The following ABHD18 variants were observed in gnomAD, a reference collection of about 807,000 sequenced individuals.
ABHD18 encodes cardiolipin-specific deacylase, mitochondrial.
Under a neutral mutation model 65.9 loss-of-function variants are expected in ABHD18, and 55 were observed. That is an observed-to-expected ratio of 0.84 (90% CI 0.67 to 1.05). The LOEUF (loss-of-function observed/expected upper bound fraction) is 1.05, where lower values mean the gene tolerates loss of function less well. ABHD18 is among the 50% of genes least tolerant of loss of function. The pLI is 0.00. For missense variants in ABHD18, 533 were observed against 558.5 expected, an observed-to-expected ratio of 0.95 and a Z score of 0.46; for synonymous variants, 181 against 180.2, an observed-to-expected ratio of 1.00 and a Z score of -0.04.
intron 11 of ABHD18, 81 bp from the exon 12 acceptor site, chr4:128,030,429 G>A (rs181432101): frequency 1.8e-5 from 17 of 969,892 alleles, no homozygotes; most frequent in East Asian, 5.9e-5. Context: ...TTAGTTTGAC[G>A]AATGTTTTAT....
chr4:127,989,886 C>A, intron 4 of ABHD18, 65 bp downstream of exon 4: 1 of 989,152 alleles, frequency 1.0e-6, no homozygotes, highest in Non-Finnish European at 1.5e-6. Context: ...ATAATATCAA[C>A]ACTATGTTAT....
At chr4:128,032,110 CA>C (rs1172055244) in intron 12 of ABHD18, among the ~76,000 whole-genome samples, 1 of 152,014 alleles carries the variant, frequency 6.6e-6, no homozygotes, top group Admixed American at 6.6e-5. Context: ...TAATCAAAGT[CA>C]AATATAAAAA....
At chr4:127,987,719 TAAATA>T (rs1750225266) in intron 3 of ABHD18, among the ~76,000 whole-genome samples, 1 of 142,984 alleles carries the variant, frequency 7.0e-6, no homozygotes, top group African/African-American at 2.9e-5. Context: ...AAAAAAAAAA[TAAATA>T]AATAAAAATA....
At chr4:127,976,284 T>C (rs1747905658) in intron 1 of ABHD18, among the ~76,000 whole-genome samples, 2 of 152,294 alleles carry the variant, frequency 1.3e-5, no homozygotes, top group African/African-American at 4.8e-5. Context: ...TAAGAATAGA[T>C]TTTACAGGTG....
intron 12 of ABHD18, among the ~76,000 whole-genome samples, chr4:128,031,768 A>C (rs1758250741): frequency 6.6e-6 from 1 of 152,248 alleles, no homozygotes; most frequent in Non-Finnish European, 1.5e-5. Flanking sequence ...CAATTGTTCA[A>C]GTCTCTCATG....
chr4:127,990,379 G>A (rs958178576), intron 4 of ABHD18, among the ~76,000 whole-genome samples: 3 of 151,986 alleles, frequency 2.0e-5, no homozygotes, highest in Non-Finnish European at 4.4e-5. Flanking sequence ...CCTGGCCAAC[G>A]TGGCGAAACC....
chr4:128,028,891 T>C (rs768792878), intron 11 of ABHD18, 38 bp downstream of exon 11: 1 of 1,426,230 alleles, frequency 7.0e-7, no homozygotes, highest in African/African-American at 1.4e-5. Flanking sequence ...TATTTGCTGA[T>C]GTGTAAGTAT....
At chr4:127,969,125 A>C (rs1483851300) in intron 1 of ABHD18, among the ~76,000 whole-genome samples, 1 of 151,966 alleles carries the variant, frequency 6.6e-6, no homozygotes, top group Non-Finnish European at 1.5e-5. Context: ...TGCTGTGTCT[A>C]AGTTTGGAGT....
intron 4 of ABHD18, among the ~76,000 whole-genome samples, chr4:127,996,333 A>G (rs1751726316): frequency 6.6e-6 from 1 of 152,120 alleles, no homozygotes; most frequent in South Asian, 2.1e-4. Context: ...AAAGAGTACA[A>G]ACAGAGAAAT....
intron 11 of ABHD18, among the ~76,000 whole-genome samples, chr4:128,029,215 CAT>C (rs1466908335): frequency 6.6e-6 from 1 of 151,484 alleles, no homozygotes; most frequent in Non-Finnish European, 1.5e-5. Context: ...AAAAAGTAGT[CAT>C]GTGTGGTGTT....
In ABHD18 at chr4:128,009,017, G is replaced by A. The variant is rs1233830936; in HGVS notation, c.357+19G>A. 11 of 1,599,662 alleles carry A rather than the reference G, an allele frequency of 6.9e-6. No individual in the cohort carries two copies. Among genetic ancestry groups the A allele is most frequent in the Non-Finnish European group, 9.4e-6 (11 of 1,173,148 alleles). ...AGATCATGTAAGACTTTATTATAAT[G>A]CCTTAATCTCTAGATAATTTGTTAA... On this transcript the variant is annotated intron_variant, in intron 5 of 12. Coordinates refer to ENST00000645843, the MANE Select transcript of ABHD18 (RefSeq NM_001358451.3).
chr4:128,019,013 C>CAAA (rs370222831), intron 8 of ABHD18, among the ~76,000 whole-genome samples: 3 of 58,342 alleles, frequency 5.1e-5, no homozygotes, highest in Non-Finnish European at 7.3e-5. Context: ...GACTACATCT[C>CAAA]AAAAAAAAAA....
chr4:127,993,181 T>C (rs541317597), intron 4 of ABHD18, among the ~76,000 whole-genome samples: 47 of 152,312 alleles, frequency 3.1e-4, no homozygotes, highest in Admixed American at 2.0e-3. Context: ...TATCATCACT[T>C]CAATCCCTGG....
intron 1 of ABHD18, among the ~76,000 whole-genome samples, chr4:127,967,397 C>A (rs1368784639): frequency 6.6e-6 from 1 of 152,144 alleles, no homozygotes; most frequent in South Asian, 2.1e-4. Flanking sequence ...TACCACCAGG[C>A]TTCTTATGGG....
At chr4:127,987,444 T>G (rs915341805) in intron 3 of ABHD18, among the ~76,000 whole-genome samples, 6 of 151,696 alleles carry the variant, frequency 4.0e-5, no homozygotes, top group Non-Finnish European at 7.4e-5. Context: ...GTGTGGTGGC[T>G]CACGCCTGTA....
chr4:127,977,188 A>AT (rs1424338879), intron 1 of ABHD18, among the ~76,000 whole-genome samples: 5 of 152,082 alleles, frequency 3.3e-5, no homozygotes, highest in African/African-American at 4.8e-5. Flanking sequence ...TAAAAAAAAA[A>AT]CAAGCTGGGC....
intron 12 of ABHD18, among the ~76,000 whole-genome samples, chr4:128,033,208 C>T (rs1758455431): frequency 2.0e-5 from 3 of 152,042 alleles, no homozygotes; most frequent in South Asian, 2.1e-4. Flanking sequence ...GAGCCGAGAT[C>T]GCACCACTGC....
At chr4:127,994,476 A>G (rs1560858724) in intron 4 of ABHD18, among the ~76,000 whole-genome samples, 1 of 151,968 alleles carries the variant, frequency 6.6e-6, no homozygotes, top group East Asian at 1.9e-4. Flanking sequence ...AATCCAAACT[A>G]CTCAGGAGGC....
At chr4:128,018,310 A>T (rs1755857409) in intron 8 of ABHD18, among the ~76,000 whole-genome samples, 3 of 152,148 alleles carry the variant, frequency 2.0e-5, no homozygotes, top group Middle Eastern at 3.2e-3. Flanking sequence ...GTACATTTTT[A>T]AAAAATTATT....
Sources: gnomAD v4.1 joint callset for allele counts (sites outside exome capture counted in the v4.1 genomes callset) on GRCh38, gnomAD v4.1.1 for gene constraint, MANE v1.5 for transcripts, NCBI Gene and HGNC (gene_info 2026-07-23, HGNC 2026-07-21) for gene names.